The following NR3C1 variants were observed in gnomAD, a reference collection of about 807,000 sequenced individuals.
The protein encoded by NR3C1 is nuclear receptor subfamily 3 group C member 1.
A neutral mutation model predicts 74.0 loss-of-function variants in NR3C1; 14 were observed. That is an observed-to-expected ratio of 0.19 (90% CI 0.12 to 0.30). The LOEUF (loss-of-function observed/expected upper bound fraction) is 0.30, where lower values mean the gene tolerates loss of function less well. Ranked by LOEUF, NR3C1 falls within the 10% of genes least tolerant of loss-of-function variation. NR3C1 has a pLI of 1.00. For synonymous variants in NR3C1, 308 were observed against 332.5 expected (o/e 0.93, Z 0.80); for missense variants, 695 against 909.8 (o/e 0.76, Z 3.04).
intron 7 of NR3C1, among the ~76,000 whole-genome samples, chr5:143,286,996 C>T (rs1157429668): frequency 6.6e-6 from 1 of 151,084 alleles, no homozygotes; most frequent in East Asian, 1.9e-4. Flanking sequence ...TTAAGCAATA[C>T]ACATGGGTCA....
chr5:143,335,977 T>C (rs1827049942), intron 2 of NR3C1, among the ~76,000 whole-genome samples: 1 of 152,240 alleles, frequency 6.6e-6, no homozygotes, highest in African/African-American at 2.4e-5. Flanking sequence ...TATTTCCCCA[T>C]ATTCGCTTCT....
chr5:143,298,258 G>C (rs1441135457), intron 6 of NR3C1, among the ~76,000 whole-genome samples: 1 of 152,176 alleles, frequency 6.6e-6, no homozygotes, highest in Non-Finnish European at 1.5e-5. Flanking sequence ...TACCTCTTGT[G>C]TCTGGGTCCA....
At chr5:143,284,522 GCTTATAGTTTTTTTCCCTGC>G (rs1368405206) in intron 7 of NR3C1, among the ~76,000 whole-genome samples, 1 of 134,882 alleles carries the variant, frequency 7.4e-6, no homozygotes, top group East Asian at 2.0e-4. Flanking sequence ...AACAGCGATG[GCTTATAGTTTTTTTCCCTGC>G]CGTATAGTTT....
rs1293916268 is a variant in NR3C1, at chr5:143,281,525, A to G, written c.*364T>C. On this transcript the variant is annotated 3_prime_UTR_variant, in exon 9 of 9. Coordinates refer to ENST00000394464, the MANE Select transcript of NR3C1 (RefSeq NM_000176.3). ...AAAGTCTAGAAAATTTCATCCAGCC[A>G]ACTGTGAAAAAAAGTATGAAGAGAA... The G allele has an allele frequency of 1.2e-5, 3 of 246,408 alleles. No individual in the cohort carries two copies. Among genetic ancestry groups the G allele is most frequent in the African/African-American group, 6.9e-5 (3 of 43,332 alleles). 15.3% of individuals were successfully genotyped at this position (246,408 alleles called of 1,614,324 possible).
At chr5:143,322,129 T>A (rs1488930384) in intron 2 of NR3C1, among the ~76,000 whole-genome samples, 1 of 152,236 alleles carries the variant, frequency 6.6e-6, no homozygotes, top group Non-Finnish European at 1.5e-5. Context: ...TCTTTCTTTG[T>A]ATAGATTATC....
At position 143,399,038 on chromosome 5, in the gene NR3C1, T is replaced by A. The variant is rs79685131; in HGVS notation, c.1184+618A>T. On this transcript the variant is annotated intron_variant, in intron 2 of 8. Coordinates refer to ENST00000394464, the MANE Select transcript of NR3C1 (RefSeq NM_000176.3). Reference sequence around the variant, plus strand: ...CAGCAGACATAACTTGTCTACTTTATGGCAAGAACCCTGTGAGCAAGACCT... The same window carrying A: ...CAGCAGACATAACTTGTCTACTTTAAGGCAAGAACCCTGTGAGCAAGACCT... Among the ~76,000 whole-genome samples the A allele has an allele frequency of 4.3e-3, 652 of 152,332 alleles. 6 individuals are homozygous for A. The highest frequency in any genetic ancestry group is 0.015 in the African/African-American group (604 of 41,584).
chr5:143,338,774 A>G (rs1284860713), intron 2 of NR3C1, among the ~76,000 whole-genome samples: 1 of 152,208 alleles, frequency 6.6e-6, no homozygotes, highest in African/African-American at 2.4e-5. Flanking sequence ...AATTTAGTGT[A>G]GCCTAAGTCT....
chr5:143,289,500 C>T (rs985169482), intron 7 of NR3C1, among the ~76,000 whole-genome samples: 8 of 152,044 alleles, frequency 5.3e-5, no homozygotes, highest in Non-Finnish European at 1.0e-4. Flanking sequence ...TCTTTTTAAC[C>T]CTGGATTAAG....
chr5:143,307,730 T>A (rs1159456251), intron 4 of NR3C1, among the ~76,000 whole-genome samples: 2 of 152,152 alleles, frequency 1.3e-5, no homozygotes, highest in African/African-American at 4.8e-5. Flanking sequence ...CACTAAAAAC[T>A]CAAGTGTCTT....
In NR3C1 at chr5:143,384,544, C is replaced by T. The variant is rs142725711; in HGVS notation, c.1184+15112G>A. Among the ~76,000 whole-genome samples the T allele has an allele frequency of 4.4e-3, 665 of 152,312 alleles. 2 individuals are homozygous for T. Among genetic ancestry groups the T allele is most frequent in the African/African-American group, 0.015 (634 of 41,562 alleles). ...ATTGGGTAAATTCCCCCATTCCAAA[C>T]TAGAGAAATTGGTTAAGACAAAGAG... On this transcript the variant is annotated intron_variant, in intron 2 of 8. Transcript: ENST00000394464.
chr5:143,295,788 A>T (rs1019605782), intron 6 of NR3C1, among the ~76,000 whole-genome samples, 198 bp from the exon 7 acceptor site: 4 of 152,220 alleles, frequency 2.6e-5, no homozygotes, highest in Non-Finnish European at 5.9e-5. Flanking sequence ...GTTTAAATAG[A>T]CTAATGAATA....
At position 143,279,642 on chromosome 5, in the gene NR3C1, A is replaced by G; in HGVS notation, c.*2247T>C. On this transcript the variant is annotated 3_prime_UTR_variant, in exon 9 of 9. Coordinates refer to ENST00000394464, the MANE Select transcript of NR3C1 (RefSeq NM_000176.3). Reference sequence around the variant, plus strand: ...AAATAACAAATAACATTCAAAAAGCATTCAAAGAAAACAAAAACATGTCCT... The same window carrying G: ...AAATAACAAATAACATTCAAAAAGCGTTCAAAGAAAACAAAAACATGTCCT... The G allele has an allele frequency of 2.3e-6, 1 of 429,818 alleles. No homozygotes were observed. The highest frequency in any genetic ancestry group is 4.0e-6 in the Non-Finnish European group (1 of 249,824). The allele number at this position is 429,818 out of a possible 1,614,324, so 26.6% of individuals were successfully genotyped here.
intron 2 of NR3C1, among the ~76,000 whole-genome samples, chr5:143,342,242 T>C (rs1231157260): frequency 6.6e-6 from 1 of 152,250 alleles, no homozygotes; most frequent in Admixed American, 6.5e-5. Flanking sequence ...GGAGGCTAAC[T>C]CTTGCTTAGT....
intron 1 of NR3C1, among the ~76,000 whole-genome samples, chr5:143,422,274 T>C (rs1347244773): frequency 6.6e-6 from 1 of 152,188 alleles, no homozygotes; most frequent in Non-Finnish European, 1.5e-5. Flanking sequence ...CCAACGATCA[T>C]CCCAAGTATC....
intron 2 of NR3C1, among the ~76,000 whole-genome samples, chr5:143,374,013 C>T (rs910386301): frequency 1.3e-5 from 2 of 152,190 alleles, no homozygotes; most frequent in African/African-American, 4.8e-5. Context: ...CCTTCAACAA[C>T]TGTCTTATTT....
chr5:143,419,439 GC>G (rs1561813939), intron 1 of NR3C1, among the ~76,000 whole-genome samples: 1 of 152,136 alleles, frequency 6.6e-6, no homozygotes, highest in Non-Finnish European at 1.5e-5. Flanking sequence ...CGGGGAACCT[GC>G]CCCGATAGTC....
chr5:143,431,644 C>A (rs1445072653), intron 1 of NR3C1, among the ~76,000 whole-genome samples: 2 of 151,940 alleles, frequency 1.3e-5, no homozygotes, highest in African/African-American at 4.8e-5. Context: ...GCACATGTAT[C>A]CCAGAACTTA....
chr5:143,347,641 T>C (rs537552150), intron 2 of NR3C1, among the ~76,000 whole-genome samples: 1 of 152,342 alleles, frequency 6.6e-6, no homozygotes, highest in African/African-American at 2.4e-5. Flanking sequence ...CTGAAAAACC[T>C]ACTTCCTTCC....
intron 7 of NR3C1, among the ~76,000 whole-genome samples, chr5:143,283,440 T>G (rs1181187497): frequency 6.6e-6 from 1 of 152,146 alleles, no homozygotes; most frequent in Non-Finnish European, 1.5e-5. Context: ...AATACAGTGA[T>G]TTTTAGTTAA....
Sources: gnomAD v4.1 joint callset for allele counts (sites outside exome capture counted in the v4.1 genomes callset) on GRCh38, gnomAD v4.1.1 for gene constraint, MANE v1.5 for transcripts, NCBI Gene and HGNC (gene_info 2026-07-23, HGNC 2026-07-21) for gene names.